The following GNA14 variants were observed in gnomAD, a reference collection of about 807,000 sequenced individuals.
The protein encoded by GNA14 is guanine nucleotide-binding protein subunit alpha-14.
GNA14 carries 50 observed loss-of-function variants against 42.0 expected under a neutral mutation model. That is an observed-to-expected ratio of 1.19 (90% CI 0.95 to 1.51). The LOEUF (loss-of-function observed/expected upper bound fraction) is 1.51, where lower values mean the gene tolerates loss of function less well. GNA14 is among the 40% of genes most tolerant of loss of function. The pLI is 0.00. For synonymous variants in GNA14, 173 were observed against 163.1 expected, an observed-to-expected ratio of 1.06 and a Z score of -0.46; for missense variants, 473 against 446.2, an observed-to-expected ratio of 1.06 and a Z score of -0.54.
chr9:77,529,578 C>T (rs953111009), intron 1 of GNA14, among the ~76,000 whole-genome samples: 25 of 152,140 alleles, frequency 1.6e-4, no homozygotes, highest in Non-Finnish European at 2.4e-4. Flanking sequence ...GATAGGGCTG[C>T]GTCAGGGTGC....
intron 1 of GNA14, among the ~76,000 whole-genome samples, chr9:77,571,475 T>C (rs894306246): frequency 3.3e-5 from 5 of 152,194 alleles, no homozygotes; most frequent in African/African-American, 7.2e-5. Flanking sequence ...TGTTGAGCAC[T>C]TGAAATGTGG....
chr9:77,439,789 C>A (rs970979471), intron 2 of GNA14, among the ~76,000 whole-genome samples: 2 of 152,146 alleles, frequency 1.3e-5, no homozygotes, highest in Non-Finnish European at 2.9e-5. Flanking sequence ...ACAAGGGACC[C>A]TCATGCGCTG....
intron 6 of GNA14, among the ~76,000 whole-genome samples, chr9:77,424,729 G>A (rs779455790): frequency 3.5e-4 from 54 of 152,120 alleles, no homozygotes; most frequent in Non-Finnish European, 6.3e-4. Flanking sequence ...CAATTTGTCT[G>A]ATTTGGACCA....
At position 77,634,959 on chromosome 9, in the gene GNA14, GACATTGGAGCATATAATATCAT is replaced by G. The variant is rs1417994107; in HGVS notation, c.124+12689_124+12710del. Reference sequence around the variant, plus strand: ...GATGTAGTCAATCCACAGTTATTCAGACATTGGAGCATATAATATCATACATTGGAGTTCCCACACACGTTTG... The same window carrying G: ...GATGTAGTCAATCCACAGTTATTCAGACATTGGAGTTCCCACACACGTTTG... On this transcript the variant is annotated intron_variant, in intron 1 of 6. Transcript: ENST00000341700. 2.5e-3 allele frequency among the ~76,000 whole-genome samples: 385 copies of G among 152,270 alleles called. 3 individuals are homozygous for G. Among genetic ancestry groups the G allele is most frequent in the African/African-American group, 9.0e-3 (375 of 41,546 alleles).
At chr9:77,632,197 G>A (rs1824109807) in intron 1 of GNA14, among the ~76,000 whole-genome samples, 1 of 152,314 alleles carries the variant, frequency 6.6e-6, no homozygotes, top group African/African-American at 2.4e-5. Flanking sequence ...CAAAGTTGGG[G>A]CCATGGGAAG....
At chr9:77,580,504 G>C (rs972781261) in intron 1 of GNA14, 1 of 401,650 alleles carries the variant, frequency 2.5e-6, no homozygotes, top group Non-Finnish European at 5.0e-6. Flanking sequence ...CATGGTTGTG[G>C]GTGAGCTTAA....
At chr9:77,472,541 T>C (rs1335849423) in intron 2 of GNA14, among the ~76,000 whole-genome samples, 1 of 152,114 alleles carries the variant, frequency 6.6e-6, no homozygotes, top group Non-Finnish European at 1.5e-5. Context: ...AAATACATTT[T>C]TGAAATATTA....
intron 2 of GNA14, among the ~76,000 whole-genome samples, chr9:77,487,898 T>A (rs1836688439): frequency 6.6e-6 from 1 of 152,138 alleles, no homozygotes; most frequent in African/African-American, 2.4e-5. Flanking sequence ...GAGTTGTTAT[T>A]AGGAACAACA....
chr9:77,459,992 C>T (rs1183362206), intron 2 of GNA14, among the ~76,000 whole-genome samples: 4 of 152,176 alleles, frequency 2.6e-5, no homozygotes, highest in African/African-American at 9.7e-5. Context: ...GCATTTCTCA[C>T]GGACAAGTTC....
intron 2 of GNA14, among the ~76,000 whole-genome samples, chr9:77,457,211 G>C (rs1054142783): frequency 6.6e-6 from 1 of 152,238 alleles, no homozygotes; most frequent in African/African-American, 2.4e-5. Context: ...GGGAGCGAGA[G>C]AGAAAGAGAG....
rs532037866 is a variant in GNA14 at position 77,632,990 on chromosome 9, T to C, written c.124+14680A>G. Among the ~76,000 whole-genome samples, 6 of 152,156 alleles carry C rather than the reference T, an allele frequency of 3.9e-5. No individual in the cohort carries two copies. The South Asian group carries it at 1.2e-3, about 32-fold the overall frequency. On this transcript the variant is annotated intron_variant, in intron 1 of 6. Transcript: ENST00000341700. ...CCACAGAGGTTTCCAGACAGAAAAA[T>C]ACCCCAAAGATCCTGTAAAAGTAAT...
chr9:77,550,270 G>A (rs191652101), intron 1 of GNA14, among the ~76,000 whole-genome samples: 159 of 152,054 alleles, frequency 1.0e-3, no homozygotes, highest in African/African-American at 3.5e-3. Context: ...TTTCAGCCTC[G>A]GTATATTTTG....
intron 1 of GNA14, among the ~76,000 whole-genome samples, chr9:77,535,903 T>G (rs907548230): frequency 1.2e-4 from 18 of 151,674 alleles, no homozygotes; most frequent in Middle Eastern, 3.4e-3. Flanking sequence ...TTTTTTTTTT[T>G]TTTCCAAGCA....
chr9:77,570,340 C>T (rs115140121), intron 1 of GNA14, among the ~76,000 whole-genome samples: 1 of 152,088 alleles, frequency 6.6e-6, no homozygotes, highest in African/African-American at 2.4e-5. Context: ...AACATCTTAT[C>T]ATGTTTTAAA....
At chr9:77,557,332 A>C (rs60630802) in intron 1 of GNA14, among the ~76,000 whole-genome samples, 5,097 of 152,292 alleles carry the variant, frequency 0.033, 290 homozygotes, top group African/African-American at 0.11. Context: ...CCAGACACAT[A>C]TCCCAAATTT....
intron 2 of GNA14, among the ~76,000 whole-genome samples, chr9:77,467,000 G>GT (rs1836246726): frequency 3.5e-5 from 5 of 143,506 alleles, no homozygotes; most frequent in Non-Finnish European, 1.5e-5. Flanking sequence ...TTTACCACTC[G>GT]GTGTGTGTGT....
intron 2 of GNA14, among the ~76,000 whole-genome samples, chr9:77,488,495 T>C (rs1422508399): frequency 6.6e-6 from 1 of 152,194 alleles, no homozygotes; most frequent in African/African-American, 2.4e-5. Flanking sequence ...CTCTGCTCTG[T>C]AACTCAGCCA....
intron 2 of GNA14, among the ~76,000 whole-genome samples, chr9:77,511,270 T>C (rs1243260094): frequency 6.6e-6 from 1 of 152,082 alleles, no homozygotes; most frequent in Non-Finnish European, 1.5e-5. Flanking sequence ...GCCATAAAGG[T>C]ACAATTTCAA....
intron 1 of GNA14, among the ~76,000 whole-genome samples, chr9:77,610,259 A>C (rs185403159): frequency 3.9e-5 from 6 of 152,294 alleles, no homozygotes; most frequent in African/African-American, 1.4e-4. Context: ...AGAATAGTTA[A>C]ACTTTAGCCT....
Sources: allele counts gnomAD v4.1 joint callset (sites outside exome capture counted in the v4.1 genomes callset), GRCh38; gene constraint gnomAD v4.1.1; transcripts MANE v1.5; gene names NCBI Gene and HGNC (gene_info 2026-07-23, HGNC 2026-07-21).